FUT8: variants seen among roughly 807,000 people sequenced by gnomAD.
The protein encoded by FUT8 is alpha-(1,6)-fucosyltransferase.
In FUT8, 29 loss-of-function variants were observed where a neutral mutation model predicts 71.3. That is an observed-to-expected ratio of 0.41 (90% CI 0.30 to 0.55). The LOEUF (loss-of-function observed/expected upper bound fraction) is 0.55. FUT8 is among the 20% of genes least tolerant of loss of function. FUT8 has a pLI of 0.34. For synonymous variants in FUT8, 254 were observed against 239.3 expected, an observed-to-expected ratio of 1.06 and a Z score of -0.57; for missense variants, 544 against 702.1, an observed-to-expected ratio of 0.77 and a Z score of 2.55.
intron 1 of FUT8, among the ~76,000 whole-genome samples, chr14:65,451,675 A>G (rs2065828766): frequency 6.6e-6 from 1 of 152,212 alleles, no homozygotes; most frequent in Non-Finnish European, 1.5e-5. Flanking sequence ...ATTGGAAATG[A>G]AAGGGACTCT....
chr14:65,625,682 A>C (rs2140251466), intron 5 of FUT8, among the ~76,000 whole-genome samples: 2 of 152,372 alleles, frequency 1.3e-5, no homozygotes, highest in Middle Eastern at 3.4e-3. Flanking sequence ...AAATGTCTAA[A>C]GTGCTTCACA....
chr14:65,653,835 A>G (rs1212981054), intron 6 of FUT8, among the ~76,000 whole-genome samples: 1 of 152,192 alleles, frequency 6.6e-6, no homozygotes, highest in Non-Finnish European at 1.5e-5. Context: ...CAGATTTAAA[A>G]CCTTGTGCTG....
the FUT8 span, among the ~76,000 whole-genome samples, chr14:65,378,078 C>G: frequency 6.6e-6 from 1 of 152,290 alleles, no homozygotes; most frequent in East Asian, 1.9e-4. Context: ...TCAGCTGTTA[C>G]TTATTATTTA....
rs1739305314 is a variant in FUT8, at chr14:65,743,649, G to A, written c.*1239G>A. 1 of 151,864 alleles carries A rather than the reference G, an allele frequency of 6.6e-6. No homozygotes were observed. Among genetic ancestry groups the A allele is most frequent in the Non-Finnish European group, 1.5e-5 (1 of 67,882 alleles). The allele number at this position is 151,864 out of a possible 1,614,324, so 9.4% of individuals were successfully genotyped here. Reference sequence around the variant, plus strand: ...AGAAGTATATGTCTCATAGTGTGCAGAACTTGGTGACCAAGTGAGAAGCGG... The same window carrying A: ...AGAAGTATATGTCTCATAGTGTGCAAAACTTGGTGACCAAGTGAGAAGCGG... On this transcript the variant is annotated 3_prime_UTR_variant, in exon 11 of 11. Coordinates refer to ENST00000673929, the MANE Select transcript of FUT8 (RefSeq NM_001371533.1).
chr14:65,357,610 G>A, the FUT8 span, among the ~76,000 whole-genome samples: 1 of 152,198 alleles, frequency 6.6e-6, no homozygotes, highest in Non-Finnish European at 1.5e-5. Flanking sequence ...AGGGCTTCCA[G>A]TTTGGAAGAT....
chr14:65,685,565 TAA>T (rs1893246631), intron 7 of FUT8, among the ~76,000 whole-genome samples: 1 of 152,148 alleles, frequency 6.6e-6, no homozygotes, highest in South Asian at 2.1e-4. Context: ...AGTTTATTAG[TAA>T]AGTAAAGGAA....
rs865909409 is a variant in FUT8 at position 65,626,091 on chromosome 14, T to C, written c.483-3401T>C. On this transcript the variant is annotated intron_variant, in intron 5 of 10. Coordinates refer to ENST00000673929, the MANE Select transcript of FUT8 (RefSeq NM_001371533.1). ...CTCAATATTGGATCATTTTTATAAT[T>C]GATTATCAATACCACGTGTTACTGT... Among the ~76,000 whole-genome samples the C allele has an allele frequency of 2.6e-5, 4 of 152,142 alleles. No individual in the cohort carries two copies. The South Asian group carries it at 8.3e-4, about 32-fold the overall frequency.
At chr14:65,595,849 T>C (rs1274669575) in intron 3 of FUT8, among the ~76,000 whole-genome samples, 1 of 152,152 alleles carries the variant, frequency 6.6e-6, no homozygotes, top group Non-Finnish European at 1.5e-5. Context: ...GACCTTGTGA[T>C]CTGCCCACCT....
intron 3 of FUT8, among the ~76,000 whole-genome samples, chr14:65,580,841 T>C (rs924758614): frequency 3.4e-4 from 51 of 152,086 alleles, no homozygotes; most frequent in African/African-American, 1.1e-3. Flanking sequence ...AGGCATCAGA[T>C]AATAATCTGA....
chr14:65,461,933 G>T (rs1339044238), intron 2 of FUT8, among the ~76,000 whole-genome samples: 1 of 152,146 alleles, frequency 6.6e-6, no homozygotes, highest in African/African-American at 2.4e-5. Flanking sequence ...GGTGAATGAG[G>T]GGTCTGGCAT....
chr14:65,581,489 C>T (rs551301335), intron 3 of FUT8, among the ~76,000 whole-genome samples: 2 of 152,056 alleles, frequency 1.3e-5, no homozygotes, highest in African/African-American at 2.4e-5. Flanking sequence ...AACTATTCAG[C>T]ACCTTCTATT....
At chr14:65,439,535 A>T (rs767749013) in intron 1 of FUT8, among the ~76,000 whole-genome samples, 32 of 152,186 alleles carry the variant, frequency 2.1e-4, no homozygotes, top group Non-Finnish European at 4.1e-4. Flanking sequence ...AAATATATTT[A>T]AAAAATTTTA....
intron 1 of FUT8, among the ~76,000 whole-genome samples, chr14:65,446,206 G>A (rs548866500): frequency 5.3e-5 from 8 of 152,140 alleles, no homozygotes; most frequent in Non-Finnish European, 1.0e-4. Flanking sequence ...ATTGAACCCT[G>A]GGCTGTTTGC....
intron 6 of FUT8, among the ~76,000 whole-genome samples, chr14:65,665,022 C>T (rs554993747): frequency 6.6e-6 from 1 of 152,094 alleles, no homozygotes; most frequent in South Asian, 2.1e-4. Context: ...TCTGGATCTC[C>T]CAGTTAAAAA....
rs141305426 is a variant in FUT8, at chr14:65,451,938, G to T, written c.-325-3683G>T. Reference sequence around the variant, plus strand: ...GGCAACATTTGAGCCAGAAAACGGAGATATAAGCTCTCACTTTGGGCCATG... The same window carrying T: ...GGCAACATTTGAGCCAGAAAACGGATATATAAGCTCTCACTTTGGGCCATG... On this transcript the variant is annotated intron_variant, in intron 1 of 10. Transcript: ENST00000673929. Among the ~76,000 whole-genome samples the T allele has an allele frequency of 5.3e-5, 8 of 152,304 alleles. No individual in the cohort carries two copies. In the East Asian group the frequency reaches 1.5e-3, roughly 29 times the overall value.
chr14:65,589,385 T>C (rs901503615), intron 3 of FUT8, among the ~76,000 whole-genome samples: 4 of 151,112 alleles, frequency 2.6e-5, no homozygotes, highest in African/African-American at 9.7e-5. Context: ...CCATGGCACT[T>C]CCCAGACCTT....
chr14:65,649,309 A>T (rs114539136), intron 6 of FUT8, among the ~76,000 whole-genome samples: 2,683 of 152,108 alleles, frequency 0.018, 78 homozygotes, highest in African/African-American at 0.061. Flanking sequence ...TTGGTTGGGG[A>T]TGTTTTGGTG....
At chr14:65,727,397 G>C (rs1412134509) in intron 9 of FUT8, among the ~76,000 whole-genome samples, 1 of 152,176 alleles carries the variant, frequency 6.6e-6, no homozygotes, top group Non-Finnish European at 1.5e-5. Flanking sequence ...CCAAACCTCA[G>C]TTCCTGACTT....
intron 5 of FUT8, among the ~76,000 whole-genome samples, chr14:65,617,913 C>T (rs773418186): frequency 1.1e-3 from 161 of 151,374 alleles, no homozygotes; most frequent in Admixed American, 2.6e-3. Flanking sequence ...CACTGTACTC[C>T]AGCCTGGGCA....
Sources: allele counts gnomAD v4.1 joint callset (sites outside exome capture counted in the v4.1 genomes callset), GRCh38; gene constraint gnomAD v4.1.1; transcripts MANE v1.5; gene names NCBI Gene and HGNC (gene_info 2026-07-23, HGNC 2026-07-21).